GABRG3: variants seen among roughly 807,000 people sequenced by gnomAD.
GABRG3 encodes gamma-aminobutyric acid receptor subunit gamma-3.
A neutral mutation model predicts 48.8 loss-of-function variants in GABRG3; 25 were observed. That is an observed-to-expected ratio of 0.51 (90% confidence interval 0.37 to 0.72). The LOEUF (loss-of-function observed/expected upper bound fraction) is 0.72, where lower values mean the gene tolerates loss of function less well. Ranked by LOEUF, GABRG3 falls within the 30% of genes least tolerant of loss-of-function variation. The probability of loss-of-function intolerance (pLI) is 0.00; values close to 1 mark genes in which losing one functional copy is unlikely to be tolerated. For missense variants in GABRG3, 394 were observed against 577.9 expected, an observed-to-expected ratio of 0.68 and a Z score of 3.26; for synonymous variants, 227 against 217.6, an observed-to-expected ratio of 1.04 and a Z score of -0.38.
intron 3 of GABRG3, among the ~76,000 whole-genome samples, chr15:27,052,696 A>G (rs978243455): frequency 6.6e-6 from 1 of 152,238 alleles, no homozygotes; most frequent in Admixed American, 6.5e-5. Flanking sequence ...AAAAGTCTAG[A>G]TACAGTGGAC....
intron 3 of GABRG3, among the ~76,000 whole-genome samples, chr15:27,229,533 G>T (rs1889734085): frequency 6.6e-6 from 1 of 151,994 alleles, no homozygotes; most frequent in Non-Finnish European, 1.5e-5. Flanking sequence ...CTGGAGTGCA[G>T]TGGTGTGATC....
chr15:27,518,195 CA>C (rs58222645), intron 6 of GABRG3, among the ~76,000 whole-genome samples: 44,883 of 88,068 alleles, frequency 0.51, 8,655 homozygotes, highest in East Asian at 0.59. Context: ...ACTAAAAATA[CA>C]AAAAAAAAAA....
At position 27,180,166 on chromosome 15, in the gene GABRG3, C is replaced by T. The variant is rs1310178424; in HGVS notation, c.271-146643C>T. Reference sequence around the variant, plus strand: ...TTGTCCAGGCCCGGGGGGTGAGATACATAAATTGAGCCTGCCCATAATGAA... The same window carrying T: ...TTGTCCAGGCCCGGGGGGTGAGATATATAAATTGAGCCTGCCCATAATGAA... On this transcript the variant is annotated intron_variant, in intron 3 of 9. Transcript: ENST00000615808. The surrounding 1 kb of genome is among the most constrained non-coding windows in gnomAD (Gnocchi z 4.2). 1.3e-5 allele frequency among the ~76,000 whole-genome samples: 2 copies of T among 152,116 alleles called. No individual in the cohort carries two copies. The highest frequency in any genetic ancestry group is 3.9e-4 in the East Asian group (2 of 5,180).
chr15:27,198,105 TA>T (rs1888555088), intron 3 of GABRG3, among the ~76,000 whole-genome samples: 1 of 152,138 alleles, frequency 6.6e-6, no homozygotes, highest in African/African-American at 2.4e-5. Context: ...ACTTCATGAC[TA>T]AAACACCAAA....
rs374824178 is a variant in GABRG3 at position 27,019,154 on chromosome 15, T to C, written c.203-7600T>C. The stretch of plus-strand genomic sequence containing the variant: ...TGCGATCTGGGCTCACTGCAAGCTC[T>C]GCCTCCCGGGTTCACGCCATTCTCC... On this transcript the variant is annotated intron_variant, in intron 2 of 9. Coordinates refer to ENST00000615808, the MANE Select transcript of GABRG3 (RefSeq NM_033223.5). 1.4e-4 allele frequency among the ~76,000 whole-genome samples: 20 copies of C among 139,446 alleles called. No individual in the cohort carries two copies. The East Asian group carries it at 1.5e-3, about 10-fold the overall frequency. The allele number at this position is 139,446 out of a possible 152,430, so 91.5% of individuals were successfully genotyped here. A position where few individuals can be genotyped will look rare whatever the true frequency, so the allele number is the denominator to read the frequency against.
At chr15:27,226,076 AGTTGAT>A (rs1376092261) in intron 3 of GABRG3, among the ~76,000 whole-genome samples, 1 of 152,136 alleles carries the variant, frequency 6.6e-6, no homozygotes, top group Non-Finnish European at 1.5e-5. Flanking sequence ...GGCAGGCGTG[AGTTGAT>A]GCAAATAGGC....
At chr15:27,313,147 A>T (rs1893053821) in intron 3 of GABRG3, among the ~76,000 whole-genome samples, 1 of 146,474 alleles carries the variant, frequency 6.8e-6, no homozygotes, top group Non-Finnish European at 1.5e-5. Context: ...GATGGCCATA[A>T]TGTAATGATA....
intron 3 of GABRG3, among the ~76,000 whole-genome samples, chr15:27,162,714 C>G (rs1887236998): frequency 6.6e-6 from 1 of 152,098 alleles, no homozygotes; most frequent in Non-Finnish European, 1.5e-5. Context: ...TGTGAAGCAT[C>G]TTCTGATGCC....
At chr15:27,480,381 G>T (rs1890069736) in intron 5 of GABRG3, among the ~76,000 whole-genome samples, 1 of 152,180 alleles carries the variant, frequency 6.6e-6, no homozygotes, top group South Asian at 2.1e-4. Flanking sequence ...CAAGGTTGAA[G>T]AAATGAAGAC....
chr15:27,481,743 G>A (rs1890105077), intron 6 of GABRG3, among the ~76,000 whole-genome samples: 4 of 152,178 alleles, frequency 2.6e-5, no homozygotes, highest in South Asian at 4.1e-4. Context: ...TCTGAGAAAT[G>A]GGATCTGTGT....
intron 5 of GABRG3, among the ~76,000 whole-genome samples, chr15:27,350,851 G>T (rs2140535851): frequency 6.6e-6 from 1 of 151,478 alleles, no homozygotes; most frequent in East Asian, 2.0e-4. Context: ...ATCAAGCCAG[G>T]CAGCCATGTA....
At chr15:27,318,904 AAGG>A (rs1422292182) in intron 3 of GABRG3, among the ~76,000 whole-genome samples, 5 of 152,152 alleles carry the variant, frequency 3.3e-5, no homozygotes, top group African/African-American at 1.2e-4. Flanking sequence ...CAGAGGAAAT[AAGG>A]AGATGTTGGT....
intron 5 of GABRG3, among the ~76,000 whole-genome samples, chr15:27,372,277 G>A (rs566950269): frequency 6.3e-4 from 96 of 152,182 alleles, no homozygotes; most frequent in Non-Finnish European, 1.1e-3. Flanking sequence ...TGTGTTTTGC[G>A]TCTGTTTTAT....
At chr15:27,031,750 C>A (rs1183096661) in intron 3 of GABRG3, among the ~76,000 whole-genome samples, 1 of 152,170 alleles carries the variant, frequency 6.6e-6, no homozygotes, top group Non-Finnish European at 1.5e-5. Flanking sequence ...GATACCAAGT[C>A]CTGATTAGGG....
chr15:27,506,707 A>G (rs1890768336), intron 6 of GABRG3, among the ~76,000 whole-genome samples: 2 of 152,372 alleles, frequency 1.3e-5, no homozygotes, highest in South Asian at 2.1e-4. Context: ...TTCTTAAAAC[A>G]CTACATCTGC....
chr15:27,372,045 G>C (rs1203443961), intron 5 of GABRG3, among the ~76,000 whole-genome samples: 1 of 151,728 alleles, frequency 6.6e-6, no homozygotes, highest in African/African-American at 2.4e-5. Context: ...TGCTTTAATT[G>C]GCTTAGAACA....
rs527731293 is a variant in GABRG3, at chr15:27,029,991, A to G, written c.270+3170A>G. ...CAATTTTAAAAGAAGTAAAGGGCTTAAAAATGAAACACAGATCTTAGGAAA... is the reference window on the plus strand; with the variant it reads ...CAATTTTAAAAGAAGTAAAGGGCTTGAAAATGAAACACAGATCTTAGGAAA... On this transcript the variant is annotated intron_variant, in intron 3 of 9. Transcript: ENST00000615808. Among the ~76,000 whole-genome samples, 5 of 152,364 alleles carry G rather than the reference A, an allele frequency of 3.3e-5. No individual in the cohort carries two copies. The East Asian group carries it at 9.6e-4, about 29-fold the overall frequency.
chr15:27,051,185 A>G (rs1896450130), intron 3 of GABRG3, among the ~76,000 whole-genome samples: 1 of 152,222 alleles, frequency 6.6e-6, no homozygotes, highest in Non-Finnish European at 1.5e-5. Flanking sequence ...ACAAGCTACA[A>G]TTGTTGACTC....
intron 3 of GABRG3, among the ~76,000 whole-genome samples, chr15:27,286,741 G>A (rs1267126336): frequency 6.6e-6 from 1 of 152,192 alleles, no homozygotes; most frequent in Non-Finnish European, 1.5e-5. Context: ...ACATCAAGTA[G>A]TAGAAATATA....
Sources: gnomAD v4.1 joint callset for allele counts (sites outside exome capture counted in the v4.1 genomes callset) on GRCh38, gnomAD v4.1.1 for gene constraint, Gnocchi (gnomAD v3.1) non-coding constraint, MANE v1.5 for transcripts, NCBI Gene and HGNC (gene_info 2026-07-23, HGNC 2026-07-21) for gene names.